Variants in ACACA observed in about 807,000 individuals in gnomAD.
ACACA encodes acetyl-CoA carboxylase alpha.
Under a neutral mutation model 296.1 loss-of-function variants are expected in ACACA, and 103 were observed. The ratio of observed to expected loss-of-function variants is 0.35; its 90% CI spans 0.30 to 0.41. ACACA has a LOEUF of 0.41. ACACA is among the 10% of genes least tolerant of loss of function. The pLI is 1.00. For synonymous variants in ACACA, 953 were observed against 1,038.6 expected (o/e 0.92, Z 1.58); for missense variants, 1,554 against 2,989.7 (o/e 0.52, Z 11.20).
chr17:37,342,582 C>T (rs986177889), intron 1 of ACACA, among the ~76,000 whole-genome samples: 9 of 150,162 alleles, frequency 6.0e-5, no homozygotes, highest in African/African-American at 1.2e-4. Context: ...AAAATTTTTG[C>T]GGAAGGCTCC....
At chr17:37,361,359 C>A (rs1191195423) in intron 1 of ACACA, among the ~76,000 whole-genome samples, 3 of 152,062 alleles carry the variant, frequency 2.0e-5, no homozygotes, top group Admixed American at 6.6e-5. Flanking sequence ...AATGGTGTTG[C>A]TGTTTACCAG....
intron 29 of ACACA, among the ~76,000 whole-genome samples, chr17:37,219,709 C>T (rs2079194375): frequency 6.8e-6 from 1 of 147,400 alleles, no homozygotes; most frequent in Admixed American, 6.8e-5. Context: ...ATATAAAAAA[C>T]ACATTTTTCA....
chr17:37,388,743 G>A, intron 1 of ACACA: 1 of 1,612,818 alleles, frequency 6.2e-7, no homozygotes, highest in Non-Finnish European at 8.5e-7. Context: ...TCACCCTGTT[G>A]CTCAGTGGAG....
intron 22 of ACACA, 134 bp downstream of exon 22, chr17:37,243,235 TTG>T: frequency 1.1e-6 from 1 of 898,636 alleles, no homozygotes; most frequent in Non-Finnish European, 1.8e-6. Context: ...TGAGGCAGTT[TTG>T]TGAGGAATAC....
Position 37,097,566 on chromosome 17 carries a change from T to C in ACACA, c.6720+264A>G, listed in dbSNP as rs894684258. Among the ~76,000 whole-genome samples, 3 of 152,206 alleles carry C rather than the reference T, an allele frequency of 2.0e-5. No individual in the cohort carries two copies. Among genetic ancestry groups the C allele is most frequent in the African/African-American group, 2.4e-5 (1 of 41,448 alleles). On this transcript the variant is annotated intron_variant, in intron 53 of 55. Transcript: ENST00000616317. This position sits in a 1 kb window ranked among gnomAD's most constrained non-coding sequence, Gnocchi z 4.8. ...CCACATCCTGAGGACCCGTCACCAATGAAGTCACATGTGACTCAGTTTCCC... is the reference window on the plus strand; with the variant it reads ...CCACATCCTGAGGACCCGTCACCAACGAAGTCACATGTGACTCAGTTTCCC...
chr17:37,153,591 C>A (rs898027552), intron 43 of ACACA, among the ~76,000 whole-genome samples: 1 of 152,226 alleles, frequency 6.6e-6, no homozygotes, highest in Admixed American at 6.5e-5. Context: ...AGAGGTTATG[C>A]AGACACAAAT....
chr17:37,228,379 T>C (rs1012144411), intron 25 of ACACA, among the ~76,000 whole-genome samples: 1 of 151,990 alleles, frequency 6.6e-6, no homozygotes, highest in Non-Finnish European at 1.5e-5. Flanking sequence ...AATTCACTCA[T>C]CTGAGTGAGA....
At chr17:37,359,683 C>G (rs1342190369) in intron 1 of ACACA, among the ~76,000 whole-genome samples, 4 of 152,118 alleles carry the variant, frequency 2.6e-5, no homozygotes, top group Non-Finnish European at 5.9e-5. Flanking sequence ...TGTGCGGGCC[C>G]GTTTGTCTGT....
In ACACA at chr17:37,157,818, T is replaced by A. The variant is rs527280642; in HGVS notation, c.5350-2038A>T. ...TCCCAAAGTGCTGGGATTACAGGCA[T>A]GAGCATGAGCCACCACACATGGCCT... On this transcript the variant is annotated intron_variant, in intron 42 of 55. Coordinates refer to ENST00000616317, the MANE Select transcript of ACACA (RefSeq NM_198834.3). Among the ~76,000 whole-genome samples the A allele has an allele frequency of 5.9e-4, 90 of 152,138 alleles. No individual in the cohort carries two copies. The South Asian group carries it at 0.018, about 30-fold the overall frequency.
chr17:37,342,058 A>G (rs2048391133), intron 1 of ACACA, among the ~76,000 whole-genome samples: 2 of 152,148 alleles, frequency 1.3e-5, no homozygotes, highest in African/African-American at 4.8e-5. Context: ...TCAAATAAAA[A>G]TTATTTTCTT....
chr17:37,277,183 T>G, intron 6 of ACACA, 69 bp from the exon 7 acceptor site: 5 of 1,397,248 alleles, frequency 3.6e-6, no homozygotes, highest in Non-Finnish European at 5.1e-6. Context: ...CAAGAGTCTC[T>G]ATCCAGGCTG....
At chr17:37,351,927 A>ATTT (rs34937393) in intron 1 of ACACA, among the ~76,000 whole-genome samples, 1 of 112,654 alleles carries the variant, frequency 8.9e-6, no homozygotes, top group Non-Finnish European at 1.7e-5. Flanking sequence ...CACAGGCTGC[A>ATTT]TTTTTTTTTT....
At chr17:37,248,338 C>T (rs1243709585) in intron 17 of ACACA, among the ~76,000 whole-genome samples, 182 bp from the exon 18 acceptor site, 1 of 152,182 alleles carries the variant, frequency 6.6e-6, no homozygotes, top group Non-Finnish European at 1.5e-5. Flanking sequence ...AAGAGGGCAA[C>T]CTTAGTTGAT....
intron 14 of ACACA, among the ~76,000 whole-genome samples, chr17:37,255,405 A>G (rs886659279): frequency 2.6e-5 from 4 of 152,244 alleles, no homozygotes; most frequent in African/African-American, 9.6e-5. Context: ...GAAAGCTCTA[A>G]GCTGAAGAAT....
chr17:37,141,227 A>G, intron 45 of ACACA: 1 of 584,778 alleles, frequency 1.7e-6, no homozygotes, highest in Non-Finnish European at 3.2e-6. Flanking sequence ...ATGGGCAGGG[A>G]GAAGAGATAG....
chr17:37,113,613 T>G lies in ACACA; in HGVS notation c.6275-348A>C, dbSNP rs761478962. On this transcript the variant is annotated intron_variant, in intron 50 of 55. Coordinates refer to ENST00000616317, the MANE Select transcript of ACACA (RefSeq NM_198834.3). This position sits in a 1 kb window ranked among gnomAD's most constrained non-coding sequence, Gnocchi z 4.0. Reference sequence around the variant, plus strand: ...ACGTTGAGTATTTTTCATGTCAATATGTGCTCTCCCACTACAGTAAGTTTA... The same window carrying G: ...ACGTTGAGTATTTTTCATGTCAATAGGTGCTCTCCCACTACAGTAAGTTTA... Among the ~76,000 whole-genome samples the G allele has an allele frequency of 3.3e-5, 5 of 152,262 alleles. No homozygotes were observed. Among genetic ancestry groups the G allele is most frequent in the Non-Finnish European group, 7.3e-5 (5 of 68,050 alleles).
chr17:37,359,110 C>A, intron 1 of ACACA: 3 of 985,552 alleles, frequency 3.0e-6, no homozygotes, highest in Non-Finnish European at 3.6e-6. Context: ...CGTGCAGCAC[C>A]AGGCCGGCCC....
At chr17:37,228,445 A>C (rs906433465) in intron 25 of ACACA, among the ~76,000 whole-genome samples, 2 of 152,188 alleles carry the variant, frequency 1.3e-5, no homozygotes, top group Non-Finnish European at 2.9e-5. Context: ...TTGAACAGGT[A>C]GCACAGATTA....
intron 1 of ACACA, among the ~76,000 whole-genome samples, chr17:37,369,756 A>C (rs2049734490): frequency 6.6e-6 from 1 of 152,004 alleles, no homozygotes; most frequent in Non-Finnish European, 1.5e-5. Context: ...TGCAGGCTGG[A>C]GGGCAGTGGT....
Sources: gnomAD v4.1 joint callset for allele counts (sites outside exome capture counted in the v4.1 genomes callset) on GRCh38, gnomAD v4.1.1 for gene constraint, Gnocchi (gnomAD v3.1) non-coding constraint, MANE v1.5 for transcripts, NCBI Gene and HGNC (gene_info 2026-07-23, HGNC 2026-07-21) for gene names.